Variants in FER observed in about 807,000 individuals in gnomAD.
FER encodes tyrosine-protein kinase Fer.
FER carries 63 observed loss-of-function variants against 111.0 expected under a neutral mutation model. The observed-to-expected ratio is 0.57, with a 90% CI of 0.46 to 0.70. The LOEUF is 0.70. FER is among the 30% of genes least tolerant of loss of function. The pLI is 0.00. For missense variants in FER, 914 were observed against 954.0 expected (o/e 0.96, Z 0.55); for synonymous variants, 327 against 313.9 (o/e 1.04, Z -0.44).
intron 14 of FER, among the ~76,000 whole-genome samples, chr5:109,044,257 C>A (rs1771619757): frequency 6.6e-6 from 1 of 151,366 alleles, no homozygotes; most frequent in Non-Finnish European, 1.5e-5. Context: ...CTGTTCACTG[C>A]AAGCCCTGCC....
At chr5:108,919,677 A>C (rs931245674) in intron 10 of FER, among the ~76,000 whole-genome samples, 2 of 152,188 alleles carry the variant, frequency 1.3e-5, no homozygotes, top group African/African-American at 4.8e-5. Flanking sequence ...AGAACATTGA[A>C]GCTTGAAGAG....
chr5:109,020,512 A>G (rs2149828617), intron 13 of FER, among the ~76,000 whole-genome samples: 2 of 152,124 alleles, frequency 1.3e-5, no homozygotes, highest in South Asian at 4.1e-4. Context: ...AAGATTGAGG[A>G]AGAAAATAAG....
chr5:109,174,343 AG>A (rs756901492), intron 17 of FER, among the ~76,000 whole-genome samples: 13 of 152,234 alleles, frequency 8.5e-5, no homozygotes, highest in Non-Finnish European at 1.8e-4. Flanking sequence ...ATGCAGAAGA[AG>A]CTGGCTAGCC....
chr5:108,795,418 C>G (rs1281427429), intron 2 of FER, among the ~76,000 whole-genome samples: 1 of 127,116 alleles, frequency 7.9e-6, no homozygotes, highest in Admixed American at 7.8e-5. Flanking sequence ...TATGTTCCCT[C>G]TGACTATTTT....
intron 13 of FER, among the ~76,000 whole-genome samples, chr5:108,968,404 A>C (rs1260490443): frequency 2.6e-5 from 4 of 152,152 alleles, no homozygotes; most frequent in Non-Finnish European, 2.9e-5. Flanking sequence ...AAAGAAAAAA[A>C]ATTACCTGCT....
chr5:109,123,585 CATCTT>C (rs1247553440), intron 17 of FER, among the ~76,000 whole-genome samples: 1 of 152,072 alleles, frequency 6.6e-6, no homozygotes, highest in African/African-American at 2.4e-5. Context: ...TTCCAAATAA[CATCTT>C]ATAACAAATT....
intron 16 of FER, among the ~76,000 whole-genome samples, chr5:109,060,864 CTCATCA>C (rs761580963): frequency 6.6e-6 from 1 of 151,310 alleles, no homozygotes; most frequent in African/African-American, 2.4e-5. Context: ...TGTGTTTGTG[CTCATCA>C]TCATCATCAG....
At chr5:108,978,287 C>T (rs979184951) in intron 13 of FER, among the ~76,000 whole-genome samples, 2 of 152,218 alleles carry the variant, frequency 1.3e-5, no homozygotes, top group Non-Finnish European at 2.9e-5. Context: ...TTCTAACATA[C>T]AAAAATCCTT....
intron 13 of FER, among the ~76,000 whole-genome samples, chr5:109,009,887 G>T (rs542371132): frequency 2.0e-5 from 3 of 152,220 alleles, no homozygotes; most frequent in Non-Finnish European, 4.4e-5. Context: ...TTAAACACGG[G>T]TAGTGTTTTA....
intron 13 of FER, among the ~76,000 whole-genome samples, chr5:109,009,329 C>T (rs115082737): frequency 0.032 from 4,835 of 152,102 alleles, 121 homozygotes; most frequent in African/African-American, 0.07. Context: ...CCACCGTGCC[C>T]GGCCCTCTTC....
At position 108,858,680 on chromosome 5, in the gene FER, G is replaced by A. The variant is rs371542282; in HGVS notation, c.482-9087G>A. On this transcript the variant is annotated intron_variant, in intron 5 of 19. Coordinates refer to ENST00000281092, the MANE Select transcript of FER (RefSeq NM_005246.4). Reference sequence around the variant, plus strand: ...TCCTTTCTTTCTTACACAAAACTACGATTATATAATATTCTTTTTCCTTTG... The same window carrying A: ...TCCTTTCTTTCTTACACAAAACTACAATTATATAATATTCTTTTTCCTTTG... Among the ~76,000 whole-genome samples, 8 of 151,258 alleles carry A rather than the reference G, an allele frequency of 5.3e-5. No homozygotes were observed. The South Asian group carries it at 6.3e-4, about 12-fold the overall frequency.
chr5:109,014,310 GT>G (rs1321219373), intron 13 of FER, among the ~76,000 whole-genome samples: 1 of 152,162 alleles, frequency 6.6e-6, no homozygotes, highest in Non-Finnish European at 1.5e-5. Context: ...TGGCTAGCCA[GT>G]TTTCCCAGCA....
intron 13 of FER, among the ~76,000 whole-genome samples, chr5:109,001,321 G>C (rs1764734894): frequency 6.6e-6 from 1 of 152,142 alleles, no homozygotes; most frequent in Admixed American, 6.5e-5. Context: ...ATGCAAGGCT[G>C]GTTCAACATA....
intron 16 of FER, among the ~76,000 whole-genome samples, chr5:109,088,948 A>C (rs1296705607): frequency 6.6e-6 from 1 of 152,194 alleles, no homozygotes; most frequent in Non-Finnish European, 1.5e-5. Context: ...AAAGGTATTA[A>C]GGATAGTGAC....
intron 1 of FER, among the ~76,000 whole-genome samples, chr5:108,762,289 A>G (rs1751847647): frequency 6.6e-6 from 1 of 152,186 alleles, no homozygotes; most frequent in South Asian, 2.1e-4. Flanking sequence ...CCCTGACCCC[A>G]GTGTGAGCAA....
At chr5:108,845,025 T>TATATATATAC (rs1761820416) in intron 5 of FER, among the ~76,000 whole-genome samples, 4 of 54,522 alleles carry the variant, frequency 7.3e-5, no homozygotes, top group Admixed American at 2.4e-4. Flanking sequence ...TATATATATA[T>TATATATATAC]ATATATATAT....
rs550975971 is a variant in FER at position 109,009,970 on chromosome 5, A to G, written c.1657-27452A>G. 6.6e-5 allele frequency among the ~76,000 whole-genome samples: 10 copies of G among 152,318 alleles called. No individual in the cohort carries two copies. The South Asian group carries it at 2.1e-3, about 32-fold the overall frequency. On this transcript the variant is annotated intron_variant, in intron 13 of 19. Transcript: ENST00000281092. ...TAATTTCCACAGTGTCACTTCTGCC[A>G]CAATCTGTTGGTCAAAGTAAGTAAC...
chr5:109,104,461 T>A (rs2150073914), intron 17 of FER, among the ~76,000 whole-genome samples: 1 of 152,268 alleles, frequency 6.6e-6, no homozygotes, highest in East Asian at 1.9e-4. Context: ...GACCTGTCAG[T>A]ATGGGGACGA....
intron 17 of FER, among the ~76,000 whole-genome samples, chr5:109,105,177 T>A (rs894352828): frequency 1.3e-5 from 2 of 151,940 alleles, no homozygotes; most frequent in Admixed American, 6.6e-5. Flanking sequence ...CTAATAAGGA[T>A]TACCTATGTG....
Sources: gnomAD v4.1 joint callset for allele counts (sites outside exome capture counted in the v4.1 genomes callset) on GRCh38, gnomAD v4.1.1 for gene constraint, MANE v1.5 for transcripts, NCBI Gene and HGNC (gene_info 2026-07-23, HGNC 2026-07-21) for gene names.